PEX1: variants seen among roughly 807,000 people sequenced by gnomAD.
The protein encoded by PEX1 is peroxisomal ATPase PEX1.
PEX1 carries 97 observed loss-of-function variants against 152.5 expected under a neutral mutation model. That is an observed-to-expected ratio of 0.64 (90% CI 0.54 to 0.75). PEX1 has a LOEUF of 0.75. Ranked by LOEUF, PEX1 falls within the 30% of genes least tolerant of loss-of-function variation. The pLI is 0.00. For missense variants in PEX1, 1,357 were observed against 1,516.3 expected (o/e 0.89, Z 1.74); for synonymous variants, 485 against 531.6 (o/e 0.91, Z 1.21).
At position 92,489,925 on chromosome 7, in the gene PEX1, TGTA is replaced by T; in HGVS notation, c.3439-17_3439-15del. ...ACATTGTGAGCTCTGCATGGTAAAT[TGTA>T]GTAATGAAAGATGGAAGGAAGAGGG... On this transcript the variant is annotated splice_polypyrimidine_tract_variant and intron_variant, in intron 21 of 23. Coordinates refer to ENST00000248633, the MANE Select transcript of PEX1 (RefSeq NM_000466.3). 1 of 1,500,662 alleles carries T rather than the reference TGTA, an allele frequency of 6.7e-7. No homozygotes were observed. Among genetic ancestry groups the T allele is most frequent in the Non-Finnish European group, 9.2e-7 (1 of 1,084,598 alleles). 93.0% of individuals were successfully genotyped at this position (1,500,662 alleles called of 1,614,324 possible).
chr7:92,496,555 T>C (rs1480483321), intron 17 of PEX1, among the ~76,000 whole-genome samples, 158 bp downstream of exon 17: 1 of 152,210 alleles, frequency 6.6e-6, no homozygotes, highest in African/African-American at 2.4e-5. Context: ...TTTTGTATTA[T>C]TTGATGAAAT....
At chr7:92,511,724 A>T in intron 6 of PEX1, 21 bp from the exon 7 acceptor site, 1 of 1,604,224 alleles carries the variant, frequency 6.2e-7, no homozygotes, top group Non-Finnish European at 8.5e-7. Flanking sequence ...AAGGAATAGT[A>T]ATGAATTATC....
intron 8 of PEX1, 148 bp from the exon 9 acceptor site, chr7:92,509,559 A>T: frequency 1.5e-6 from 1 of 648,570 alleles, no homozygotes. Flanking sequence ...ACCCTTGACA[A>T]TAACAATGTA....
At chr7:92,511,847 G>C in intron 6 of PEX1, 144 bp from the exon 7 acceptor site, 1 of 739,616 alleles carries the variant, frequency 1.4e-6, no homozygotes, top group Admixed American at 2.4e-5. Flanking sequence ...ATAGGCACAG[G>C]TCTGGGATTT....
chr7:92,491,562 A>C, intron 20 of PEX1, 60 bp from the exon 21 acceptor site: 1 of 984,710 alleles, frequency 1.0e-6, no homozygotes. Flanking sequence ...CTCAGAAATA[A>C]ATAATAACAT....
rs1336897924 is a variant in PEX1 at position 92,513,339 on chromosome 7, TGTG to T, written c.1359+506_1359+508del. 3.9e-5 allele frequency among the ~76,000 whole-genome samples: 6 copies of T among 152,234 alleles called. No homozygotes were observed. In the East Asian group the frequency reaches 9.6e-4, roughly 24 times the overall value. The stretch of plus-strand genomic sequence containing the variant: ...ATCAACAGATGAATGGATAAACAAA[TGTG>T]GTATATGCAGTCAATGGAATAGTAT... On this transcript the variant is annotated intron_variant, in intron 6 of 23. Transcript: ENST00000248633.
chr7:92,519,158 T>TA, intron 2 of PEX1, 80 bp from the exon 3 acceptor site: 1 of 804,270 alleles, frequency 1.2e-6, no homozygotes, highest in Non-Finnish European at 2.1e-6. Flanking sequence ...GTTATCTTCT[T>TA]ACCATTTTAG....
chr7:92,489,953 G>C (rs1791197484), intron 21 of PEX1, 42 bp from the exon 22 acceptor site: 1 of 1,489,100 alleles, frequency 6.7e-7, no homozygotes. Flanking sequence ...AAGGAAGAGG[G>C]GGAGAGAAAA....
intron 16 of PEX1, 135 bp from the exon 17 acceptor site, chr7:92,496,912 A>G: frequency 1.5e-6 from 1 of 680,502 alleles, no homozygotes; most frequent in Non-Finnish European, 2.7e-6. Flanking sequence ...TTTAAAATTA[A>G]TGTGTGCTAG....
chr7:92,491,513 C>T lies in PEX1; in HGVS notation c.3208-11G>A, dbSNP rs1226204256. ...GCTGGAACTTCCATCCTAAAATACACAAAAGGACAACCAGTTTAAAGATGT... is the reference window on the plus strand; with the variant it reads ...GCTGGAACTTCCATCCTAAAATACATAAAAGGACAACCAGTTTAAAGATGT... On this transcript the variant is annotated splice_polypyrimidine_tract_variant and intron_variant, in intron 20 of 23. Coordinates refer to ENST00000248633, the MANE Select transcript of PEX1 (RefSeq NM_000466.3). 1.3e-6 allele frequency: 2 copies of T among 1,489,264 alleles called. No homozygotes were observed. The highest frequency in any genetic ancestry group is 9.4e-7 in the Non-Finnish European group (1 of 1,066,882). 92.3% of individuals were successfully genotyped at this position (1,489,264 alleles called of 1,614,324 possible). A position where few individuals can be genotyped will look rare whatever the true frequency, so the allele number is the denominator to read the frequency against.
Position 92,501,857 on chromosome 7 carries a change from A to T in PEX1, c.2416+33T>A. 2.6e-6 allele frequency: 4 copies of T among 1,565,164 alleles called. No homozygotes were observed. The Admixed American group carries it at 6.7e-5, about 26-fold the overall frequency. On this transcript the variant is annotated intron_variant, in intron 14 of 23. Transcript: ENST00000248633. ...TACATTTCTCCACAATAGAAAGAAG[A>T]TTCCAAGTTCAGGTTTTAATAGTAA...
rs1792902094 is a variant in PEX1 at position 92,518,363 on chromosome 7, AT to A, written c.358-109del. 5.5e-6 allele frequency: 4 copies of A among 730,992 alleles called. No individual in the cohort carries two copies. The South Asian group carries it at 6.0e-5, about 11-fold the overall frequency. The allele number at this position is 730,992 out of a possible 1,614,324, so 45.3% of individuals were successfully genotyped here. A position where few individuals can be genotyped will look rare whatever the true frequency, so the allele number is the denominator to read the frequency against. ...TTAAAAAACAAATTTTAATGTGCAT[AT>A]TTAATATACACGACATGGTGTTATG... On this transcript the variant is annotated intron_variant, in intron 3 of 23. Coordinates refer to ENST00000248633, the MANE Select transcript of PEX1 (RefSeq NM_000466.3).
chr7:92,489,696 A>AG lies in PEX1; in HGVS notation c.3636+17dup. The stretch of plus-strand genomic sequence containing the variant: ...TTAAGAAGTTTTAACAATTATAATG[A>AG]GGGGGAAAAAGCCATACTCCACTTT... On this transcript the variant is annotated intron_variant, in intron 22 of 23. Coordinates refer to ENST00000248633, the MANE Select transcript of PEX1 (RefSeq NM_000466.3). The AG allele has an allele frequency of 1.2e-6, 2 of 1,602,208 alleles. No individual in the cohort carries two copies. The highest frequency in any genetic ancestry group is 1.1e-5 in the South Asian group (1 of 90,852).
Position 92,503,146 on chromosome 7 carries a change from T to G in PEX1, c.2121A>C (p.Ala707=), listed in dbSNP as rs771334207. 1 of 1,613,838 alleles carries G rather than the reference T, an allele frequency of 6.2e-7. No individual in the cohort carries two copies. Among genetic ancestry groups the G allele is most frequent in the Non-Finnish European group, 8.5e-7 (1 of 1,179,820 alleles). The change falls in exon 13 of 24, where the codon GCA becomes GCC. Residue 707 remains alanine (A), a synonymous_variant. Transcript: ENST00000248633. ...GCTGAGACTGACTTGTGGCAATCAG[T>G]GCAACCAAACTTCCCATGGAGATAA... is the stretch of plus-strand genomic sequence containing the variant. ...KEFISMGSLV[A]LIATSQSQQS...
Position 92,522,140 on chromosome 7 carries a change from G to C in PEX1, c.235C>G (p.Gln79Glu). 1.9e-6 allele frequency: 3 copies of C among 1,614,072 alleles called. No homozygotes were observed. Among genetic ancestry groups the C allele is most frequent in the Admixed American group, 1.7e-5 (1 of 60,018 alleles). The change falls in exon 2 of 24, where the codon CAA (glutamine) becomes GAA (glutamate). Residue 79 changes from glutamine to glutamate, a missense_variant. Transcript: ENST00000248633. ...GAGAGTCCAAGTTTTTGACCAACTT[G>C]TCTGTTAATTTCAGCCACATTTTCA... Reference protein sequence around the residue: ...QGENVAEINRQVGQKLGLSNG... With the variant: ...QGENVAEINREVGQKLGLSNG...
chr7:92,491,520 A>C lies in PEX1; in HGVS notation c.3208-18T>G. The C allele has an allele frequency of 6.9e-7, 1 of 1,453,758 alleles. No homozygotes were observed. Among genetic ancestry groups the C allele is most frequent in the South Asian group, 1.1e-5 (1 of 87,820 alleles). 90.1% of individuals were successfully genotyped at this position (1,453,758 alleles called of 1,614,324 possible). The stretch of plus-strand genomic sequence containing the variant: ...CTTCCATCCTAAAATACACAAAAGG[A>C]CAACCAGTTTAAAGATGTAAACAAT... On this transcript the variant is annotated intron_variant, in intron 20 of 23. Transcript: ENST00000248633.
chr7:92,522,377 G>T, intron 1 of PEX1, 132 bp from the exon 2 acceptor site: 1 of 862,542 alleles, frequency 1.2e-6, no homozygotes, highest in East Asian at 2.6e-5. Context: ...ATCTACATTT[G>T]TTGTAGCATT....
At position 92,489,423 on chromosome 7, in the gene PEX1, CCTT is replaced by C. The variant is rs2116039871; in HGVS notation, c.3637-3_3637-1del. On this transcript the variant is annotated splice_acceptor_variant and splice_polypyrimidine_tract_variant and intron_variant, in intron 22 of 23. Coordinates refer to ENST00000248633, the MANE Select transcript of PEX1 (RefSeq NM_000466.3). LOFTEE classifies it high-confidence loss of function. The stretch of plus-strand genomic sequence containing the variant: ...CCTGGTTGGTTCATGGATTCGTCCT[CCTT>C]AAGTAAAAAAAGAAATTGACGAAGA... The C allele has an allele frequency of 6.2e-7, 1 of 1,612,184 alleles. No individual in the cohort carries two copies. The highest frequency in any genetic ancestry group is 2.2e-5 in the East Asian group (1 of 44,816).
intron 16 of PEX1, among the ~76,000 whole-genome samples, chr7:92,497,791 C>T (rs373523366): frequency 7.9e-5 from 12 of 152,152 alleles, no homozygotes; most frequent in African/African-American, 2.9e-4. Flanking sequence ...AAGGCAAGAC[C>T]GGGCACGGTG....
Sources: allele counts gnomAD v4.1 joint callset (sites outside exome capture counted in the v4.1 genomes callset), GRCh38; gene constraint gnomAD v4.1.1; transcripts MANE v1.5; gene names NCBI Gene and HGNC (gene_info 2026-07-23, HGNC 2026-07-21).